The following CALN1 variants were observed in gnomAD, a reference collection of about 807,000 sequenced individuals.
The protein encoded by CALN1 is calneuron 1.
CALN1 carries 17 observed loss-of-function variants against 30.6 expected under a neutral mutation model. That is an observed-to-expected ratio of 0.56 (90% confidence interval 0.38 to 0.83). CALN1 has a LOEUF of 0.83. Ranked by LOEUF, CALN1 falls within the 40% of genes least tolerant of loss-of-function variation. CALN1 has a pLI of 0.00. For synonymous variants in CALN1, 156 were observed against 131.4 expected (o/e 1.19, Z -1.28); for missense variants, 291 against 354.9 (o/e 0.82, Z 1.45).
At chr7:72,253,240 T>G (rs1585272892) in intron 3 of CALN1, among the ~76,000 whole-genome samples, 2 of 152,234 alleles carry the variant, frequency 1.3e-5, no homozygotes, top group Non-Finnish European at 2.9e-5. Flanking sequence ...ATGCAAATTT[T>G]TGATCATTTT....
intron 5 of CALN1, among the ~76,000 whole-genome samples, chr7:71,993,564 C>A (rs1278335578): frequency 6.6e-6 from 1 of 151,256 alleles, no homozygotes; most frequent in African/African-American, 2.4e-5. Context: ...TCAAGCGATT[C>A]TCCTGCCTCC....
intron 2 of CALN1, among the ~76,000 whole-genome samples, chr7:72,351,815 T>C (rs1431722056): frequency 6.6e-6 from 1 of 152,238 alleles, no homozygotes; most frequent in Non-Finnish European, 1.5e-5. Context: ...ATGGTACATT[T>C]ACACCTAAAT....
chr7:72,363,128 C>G (rs1803663706), intron 2 of CALN1, among the ~76,000 whole-genome samples: 1 of 152,210 alleles, frequency 6.6e-6, no homozygotes, highest in South Asian at 2.1e-4. Flanking sequence ...TTTCATCACC[C>G]AGGTATTAAA....
At chr7:71,818,427 A>T (rs539069204) in intron 5 of CALN1, among the ~76,000 whole-genome samples, 10 of 152,258 alleles carry the variant, frequency 6.6e-5, no homozygotes, top group Admixed American at 6.5e-4. Context: ...AGTAGCCAGG[A>T]GAAGGTGGGA....
At chr7:71,843,711 G>C (rs1790074885) in intron 5 of CALN1, among the ~76,000 whole-genome samples, 1 of 152,110 alleles carries the variant, frequency 6.6e-6, no homozygotes, top group Admixed American at 6.5e-5. Flanking sequence ...TGTAAAATGG[G>C]ACTAGAATGG....
intron 2 of CALN1, among the ~76,000 whole-genome samples, chr7:72,374,357 C>CT (rs1804417763): frequency 6.6e-6 from 1 of 151,908 alleles, no homozygotes; most frequent in African/African-American, 2.4e-5. Flanking sequence ...GGCAAAACCC[C>CT]GTCTCTACTA....
At chr7:71,864,634 G>A (rs756597351) in intron 5 of CALN1, among the ~76,000 whole-genome samples, 4 of 152,112 alleles carry the variant, frequency 2.6e-5, no homozygotes, top group Non-Finnish European at 4.4e-5. Context: ...CCTGACCCAC[G>A]GAGACTGAGA....
intron 4 of CALN1, among the ~76,000 whole-genome samples, chr7:72,075,314 A>C (rs1219701220): frequency 6.6e-6 from 1 of 152,202 alleles, no homozygotes; most frequent in Non-Finnish European, 1.5e-5. Context: ...GTTTGACCAA[A>C]TATCTGGGAA....
chr7:72,441,272 A>G (rs550427573), intron 1 of CALN1, among the ~76,000 whole-genome samples: 7 of 152,180 alleles, frequency 4.6e-5, no homozygotes, highest in Admixed American at 3.9e-4. Flanking sequence ...GGGAGGTGGG[A>G]AGAAGCCAGG....
intron 3 of CALN1, among the ~76,000 whole-genome samples, chr7:72,174,668 A>C (rs1365283043): frequency 1.3e-5 from 2 of 152,240 alleles, no homozygotes; most frequent in African/African-American, 4.8e-5. Context: ...ATATTGTATG[A>C]TCACATTTCT....
At chr7:72,388,274 A>G (rs13244369) in intron 2 of CALN1, among the ~76,000 whole-genome samples, 1 of 152,192 alleles carries the variant, frequency 6.6e-6, no homozygotes, top group South Asian at 2.1e-4. Flanking sequence ...AATTTTTTAA[A>G]AAGGGGCACG....
chr7:72,233,970 C>G (rs1194681475), intron 3 of CALN1, among the ~76,000 whole-genome samples: 1 of 152,048 alleles, frequency 6.6e-6, no homozygotes, highest in East Asian at 1.9e-4. Flanking sequence ...CACCATTGTA[C>G]TCCAGCCTGG....
At chr7:71,941,659 T>C (rs1045402513) in intron 5 of CALN1, among the ~76,000 whole-genome samples, 1 of 152,170 alleles carries the variant, frequency 6.6e-6, no homozygotes, top group Non-Finnish European at 1.5e-5. Context: ...GTCAGATAAA[T>C]GTTCATGAGA....
intron 5 of CALN1, among the ~76,000 whole-genome samples, chr7:71,899,213 G>A (rs1347435405): frequency 1.3e-5 from 2 of 148,574 alleles, no homozygotes; most frequent in African/African-American, 5.0e-5. Flanking sequence ...GCGCGATCTC[G>A]GCTCACTGCA....
intron 3 of CALN1, among the ~76,000 whole-genome samples, chr7:72,146,651 A>G (rs887073840): frequency 6.6e-6 from 1 of 152,192 alleles, no homozygotes; most frequent in Non-Finnish European, 1.5e-5. Context: ...AAAAGAGCCC[A>G]CATTGCCAAG....
At chr7:72,375,579 A>AG (rs1444265129) in intron 2 of CALN1, among the ~76,000 whole-genome samples, 1 of 151,506 alleles carries the variant, frequency 6.6e-6, no homozygotes, top group African/African-American at 2.4e-5. Flanking sequence ...AAAAAAAAAA[A>AG]AAAGAAAAGG....
At chr7:72,144,071 C>T (rs1469786096) in intron 3 of CALN1, among the ~76,000 whole-genome samples, 12 of 152,122 alleles carry the variant, frequency 7.9e-5, no homozygotes, top group African/African-American at 1.2e-4. Flanking sequence ...CATCAACTAA[C>T]GAGCAAAATA....
chr7:72,420,304 G>T (rs1192703776), intron 1 of CALN1, among the ~76,000 whole-genome samples: 1 of 152,104 alleles, frequency 6.6e-6, no homozygotes, highest in Non-Finnish European at 1.5e-5. Context: ...GCCTTGGCTG[G>T]AGCCCAGCAT....
At chr7:71,938,524 C>CGGT (rs1795962102) in intron 5 of CALN1, among the ~76,000 whole-genome samples, 1 of 151,948 alleles carries the variant, frequency 6.6e-6, no homozygotes. Flanking sequence ...GGGCCGGGCA[C>CGGT]GGTGGCTCAT....
Sources: gnomAD v4.1 joint callset for allele counts (sites outside exome capture counted in the v4.1 genomes callset) on GRCh38, gnomAD v4.1.1 for gene constraint, MANE v1.5 for transcripts, NCBI Gene and HGNC (gene_info 2026-07-23, HGNC 2026-07-21) for gene names.